Variants in CARM1 observed in about 807,000 individuals in gnomAD.
CARM1 encodes the protein coactivator associated arginine methyltransferase 1, also known as histone-arginine methyltransferase CARM1.
In CARM1, 14 loss-of-function variants were observed where a neutral mutation model predicts 72.7. That is an observed-to-expected ratio of 0.19 (90% CI 0.13 to 0.30). CARM1 has a LOEUF of 0.30. Ranked by LOEUF, CARM1 falls within the 10% of genes least tolerant of loss-of-function variation. CARM1 has a pLI of 1.00. For synonymous variants in CARM1, 333 were observed against 345.5 expected, an observed-to-expected ratio of 0.96 and a Z score of 0.40; for missense variants, 432 against 833.7, an observed-to-expected ratio of 0.52 and a Z score of 5.93.
At chr19:10,893,915 T>C (rs527889094) in intron 1 of CARM1, among the ~76,000 whole-genome samples, 67 of 152,274 alleles carry the variant, frequency 4.4e-4, no homozygotes, top group Middle Eastern at 6.8e-3. Flanking sequence ...TTGATAAACC[T>C]AAGTCCTCCT....
In CARM1 at chr19:10,920,905, C is replaced by T. The variant is rs1308467405; in HGVS notation, c.1496C>T (p.Thr499Met). The T allele has an allele frequency of 3.1e-6, 5 of 1,614,242 alleles. No homozygotes were observed. Among genetic ancestry groups the T allele is most frequent in the African/African-American group, 1.3e-5 (1 of 75,068 alleles). The change falls in exon 13 of 16, where the codon ACG becomes ATG. Residue 499 changes from threonine to methionine, a missense_variant. Transcript: ENST00000327064. The surrounding 1 kb of genome is among the most constrained non-coding windows in gnomAD (Gnocchi z 5.3). ...YTSPSENMWNTGSTYNLSSGM... is the reference protein window; with the variant it reads ...YTSPSENMWNMGSTYNLSSGM... ...TCTCCCTCGGAAAACATGTGGAACA[C>T]GGGCAGCACCTACAACCTCAGCAGC...
intron 6 of CARM1, among the ~76,000 whole-genome samples, chr19:10,914,885 C>T (rs1361176818): frequency 6.6e-6 from 1 of 152,200 alleles, no homozygotes. Context: ...GCCCATCTGT[C>T]TTGGGGTCTG....
intron 9 of CARM1, 61 bp from the exon 10 acceptor site, chr19:10,919,816 C>G: frequency 6.6e-7 from 1 of 1,516,808 alleles, no homozygotes; most frequent in Non-Finnish European, 9.1e-7. Flanking sequence ...CTGGCACCCC[C>G]TCTTCTCTCT....
At chr19:10,917,297 G>A (rs1470143699) in intron 8 of CARM1, among the ~76,000 whole-genome samples, 1 of 152,034 alleles carries the variant, frequency 6.6e-6, no homozygotes, top group Non-Finnish European at 1.5e-5. Flanking sequence ...CCAACACGGT[G>A]AAACCCCATC....
rs147684194 is a variant in CARM1 at position 10,921,748 on chromosome 19, C to T, written c.1818C>T (p.Tyr606=). 2.8e-3 allele frequency: 4,437 copies of T among 1,602,008 alleles called. 19 individuals are homozygous for T. Among genetic ancestry groups the T allele is most frequent in the Non-Finnish European group, 3.0e-3 (3,472 of 1,172,462 alleles). ...PMSIPTNTMH[Y]GS is the part of the protein sequence containing the mutation. ...CCATCCCGACCAACACCATGCACTA[C>T]GGGAGCTAGGGGCCCGCCCCGCGGA... Residue 606 remains tyrosine (Y), a synonymous_variant, in exon 16 of 16, where the codon TAC becomes TAT. Transcript: ENST00000327064.
intron 1 of CARM1, among the ~76,000 whole-genome samples, chr19:10,877,513 C>G (rs981897738): frequency 2.6e-5 from 4 of 152,060 alleles, no homozygotes; most frequent in South Asian, 4.1e-4. Flanking sequence ...ACCTCCACCT[C>G]CCAGGTTCAA....
intron 1 of CARM1, among the ~76,000 whole-genome samples, chr19:10,883,279 C>T (rs540723907): frequency 6.6e-5 from 10 of 152,170 alleles, no homozygotes; most frequent in East Asian, 1.9e-4. Context: ...AAGATGTATC[C>T]CAAGTTGTCC....
At chr19:10,917,483 AAAG>A (rs1427315201) in intron 8 of CARM1, among the ~76,000 whole-genome samples, 1 of 152,070 alleles carries the variant, frequency 6.6e-6, no homozygotes, top group African/African-American at 2.4e-5. Flanking sequence ...TCTCAAAAAA[AAAG>A]AAAAAAAGGT....
In CARM1 at chr19:10,920,662, G is replaced by A. The variant is rs144971678; in HGVS notation, c.1338G>A (p.Gln446=). Residue 446 remains glutamine, a synonymous_variant, in exon 12 of 16, where the codon CAG becomes CAA. Transcript: ENST00000327064. This position sits in a 1 kb window ranked among gnomAD's most constrained non-coding sequence, Gnocchi z 5.3. The stretch of plus-strand genomic sequence containing the variant: ...ACGGCCTGCACCCTGTCCGCAGACA[G>A]AGCTACGACATCAGTATTGTGGCCC... The part of the protein sequence containing the change: ...GTCLLIANKR[Q]SYDISIVAQV... The A allele has an allele frequency of 1.7e-4, 282 of 1,614,186 alleles. No homozygotes were observed. The East Asian group carries it at 5.9e-3, about 34-fold the overall frequency.
intron 1 of CARM1, among the ~76,000 whole-genome samples, chr19:10,890,260 G>GTTTTTT (rs377132328): frequency 4.5e-5 from 5 of 110,534 alleles, no homozygotes; most frequent in Non-Finnish European, 6.4e-5. Flanking sequence ...TTTGTTTTTT[G>GTTTTTT]TTTTGTTTGT....
Position 10,871,992 on chromosome 19 carries a change from G to T in CARM1, c.220+70G>T. ...CGAGGCCGGCCCGGGGCGGGGGCCG[G>T]CGGGGAGGGGCCCTGAGCGCGGGGG... On this transcript the variant is annotated intron_variant, in intron 1 of 15. Coordinates refer to ENST00000327064, the MANE Select transcript of CARM1 (RefSeq NM_199141.2). This position sits in a 1 kb window ranked among gnomAD's most constrained non-coding sequence, Gnocchi z 5.6. The T allele has an allele frequency of 8.8e-7, 1 of 1,138,032 alleles. No homozygotes were observed. The highest frequency in any genetic ancestry group is 1.1e-6 in the Non-Finnish European group (1 of 922,080). The allele number at this position is 1,138,032 out of a possible 1,614,324, so 70.5% of individuals were successfully genotyped here.
chr19:10,896,328 TC>T lies in CARM1; in HGVS notation c.221-8618del, dbSNP rs1363920334. Among the ~76,000 whole-genome samples the T allele has an allele frequency of 5.9e-5, 9 of 151,748 alleles. 1 individual carries two copies. In the East Asian group the frequency reaches 1.7e-3, roughly 29 times the overall value. On this transcript the variant is annotated intron_variant, in intron 1 of 15. Coordinates refer to ENST00000327064, the MANE Select transcript of CARM1 (RefSeq NM_199141.2). The surrounding 1 kb of genome is among the most constrained non-coding windows in gnomAD (Gnocchi z 5.2). Reference sequence around the variant, plus strand: ...GCTAGGGAATCCTTATACCTTAGAGTCCCCCAGATTCTGCTGCCCTGGGGGG... The same window carrying T: ...GCTAGGGAATCCTTATACCTTAGAGTCCCCAGATTCTGCTGCCCTGGGGGG...
intron 1 of CARM1, among the ~76,000 whole-genome samples, chr19:10,886,056 CTTTT>C (rs899009522): frequency 7.3e-6 from 1 of 136,494 alleles, no homozygotes; most frequent in Non-Finnish European, 1.6e-5. Context: ...TTCTTTCTTT[CTTTT>C]TTTTTTTTTT....
chr19:10,890,078 T>C (rs2073970115), intron 1 of CARM1, among the ~76,000 whole-genome samples: 1 of 152,000 alleles, frequency 6.6e-6, no homozygotes, highest in Admixed American at 6.6e-5. Flanking sequence ...CAAGACCCCA[T>C]CTCTACAGAA....
intron 2 of CARM1, 93 bp downstream of exon 2, chr19:10,905,169 G>A (rs1033433021): frequency 9.5e-6 from 14 of 1,480,454 alleles, no homozygotes; most frequent in South Asian, 2.4e-5. Flanking sequence ...GGGGTGGCCC[G>A]TGCATCCTTA....
chr19:10,904,134 T>G (rs954265924), intron 1 of CARM1, among the ~76,000 whole-genome samples: 1 of 152,262 alleles, frequency 6.6e-6, no homozygotes, highest in Non-Finnish European at 1.5e-5. Flanking sequence ...TGGTCTTTCC[T>G]GACATTGGCC....
Position 10,916,530 on chromosome 19 carries a change from C to A in CARM1, c.938+33C>A. ...TGCCCTGGGTGTCCCGCCTGGGCCC[C>A]ACAGCCTGCCTTCTCAGGGACAGCC... On this transcript the variant is annotated intron_variant, in intron 7 of 15. Transcript: ENST00000327064. The surrounding 1 kb of genome is among the most constrained non-coding windows in gnomAD (Gnocchi z 4.4). 1 of 1,533,000 alleles carries A rather than the reference C, an allele frequency of 6.5e-7. No homozygotes were observed. The highest frequency in any genetic ancestry group is 9.0e-7 in the Non-Finnish European group (1 of 1,107,434). The allele number at this position is 1,533,000 out of a possible 1,614,324, so 95.0% of individuals were successfully genotyped here. A position where few individuals can be genotyped will look rare whatever the true frequency, so the allele number is the denominator to read the frequency against.
chr19:10,922,192 C>G lies in CARM1; in HGVS notation c.*435C>G, dbSNP rs2074264349. 1 of 157,372 alleles carries G rather than the reference C, an allele frequency of 6.4e-6. No individual in the cohort carries two copies. Among genetic ancestry groups the G allele is most frequent in the African/African-American group, 2.4e-5 (1 of 41,668 alleles). The allele number at this position is 157,372 out of a possible 1,614,324, so 9.7% of individuals were successfully genotyped here. A position where few individuals can be genotyped will look rare whatever the true frequency, so the allele number is the denominator to read the frequency against. On this transcript the variant is annotated 3_prime_UTR_variant, in exon 16 of 16. Coordinates refer to ENST00000327064, the MANE Select transcript of CARM1 (RefSeq NM_199141.2). Reference sequence around the variant, plus strand: ...CCTCGGTCACAACGGACGTGACATGCTGCTTTTTTTAATTTTATTTTTTTA... The same window carrying G: ...CCTCGGTCACAACGGACGTGACATGGTGCTTTTTTTAATTTTATTTTTTTA...
intron 1 of CARM1, 25 bp from the exon 2 acceptor site, chr19:10,904,926 C>T (rs2074091724): frequency 3.7e-6 from 6 of 1,612,946 alleles, no homozygotes; most frequent in Middle Eastern, 1.7e-4. Context: ...CTGCACCGCT[C>T]ACGCCAGCCT....
Sources: allele counts gnomAD v4.1 joint callset (sites outside exome capture counted in the v4.1 genomes callset), GRCh38; gene constraint gnomAD v4.1.1; non-coding constraint Gnocchi (gnomAD v3.1); transcripts MANE v1.5; gene names NCBI Gene and HGNC (gene_info 2026-07-23, HGNC 2026-07-21).